Variants in LAMB3 observed in about 807,000 individuals in gnomAD.
The protein encoded by LAMB3 is laminin subunit beta 3.
Under a neutral mutation model 140.3 loss-of-function variants are expected in LAMB3, and 104 were observed. The observed-to-expected ratio is 0.74, with a 90% confidence interval of 0.63 to 0.87. LAMB3 has a LOEUF of 0.87. LAMB3 is among the 40% of genes least tolerant of loss of function. The pLI, the probability that LAMB3 is intolerant of heterozygous loss-of-function variation, is 0.00. For missense variants in LAMB3, 1,531 were observed against 1,575.2 expected, an observed-to-expected ratio of 0.97 and a Z score of 0.47; for synonymous variants, 592 against 602.9, an observed-to-expected ratio of 0.98 and a Z score of 0.26.
At chr1:209,621,451 G>A (rs1046032883) in intron 18 of LAMB3, among the ~76,000 whole-genome samples, 2 of 152,126 alleles carry the variant, frequency 1.3e-5, no homozygotes, top group East Asian at 3.8e-4. Context: ...CCTATCTGGG[G>A]CAAAAACACT....
At chr1:209,646,583 T>C (rs2102460555) in intron 3 of LAMB3, among the ~76,000 whole-genome samples, 1 of 152,278 alleles carries the variant, frequency 6.6e-6, no homozygotes, top group South Asian at 2.1e-4. Flanking sequence ...TTGGCACCGA[T>C]CACCTTGGGA....
Position 209,630,729 on chromosome 1 carries a change from C to T in LAMB3, c.829G>A (p.Asp277Asn), listed in dbSNP as rs369999185. Residue 277 changes from aspartate to asparagine, a missense_variant, in exon 9 of 23, where the codon GAT (aspartate) becomes AAT (asparagine). Physicochemically the swap from Asp to Asn is conservative, Grantham distance 23 (BLOSUM62 1). Transcript: ENST00000356082. ...GTGTTGTGCTGGCAGACACAGACAT[C>T]GTGGACCTGGGAGGGGGACCGTCAG... The part of the protein sequence containing the change: ...AGPSTAVQVH[D>N]VCVCQHNTAG... 34 of 1,613,738 alleles carry T rather than the reference C, an allele frequency of 2.1e-5. No individual in the cohort carries two copies. The highest frequency in any genetic ancestry group is 3.3e-5 in the South Asian group (3 of 91,046).
intron 12 of LAMB3, 53 bp downstream of exon 12, chr1:209,627,330 G>A (rs965248833): frequency 3.4e-6 from 5 of 1,455,764 alleles, no homozygotes; most frequent in Non-Finnish European, 4.8e-6. Flanking sequence ...AGAGGCTGGT[G>A]CTCAGGACCC....
At chr1:209,616,767 T>A in intron 21 of LAMB3, 143 bp from the exon 22 acceptor site, 1 of 793,288 alleles carries the variant, frequency 1.3e-6, no homozygotes, top group Non-Finnish European at 2.1e-6. Flanking sequence ...GTTTTGCCTA[T>A]TGAAACCCCT....
Position 209,623,809 on chromosome 1 carries a change from C to A in LAMB3, c.2137+31G>T, listed in dbSNP as rs1666311880. On this transcript the variant is annotated intron_variant, in intron 15 of 22. Transcript: ENST00000356082. The surrounding 1 kb of genome is among the most constrained non-coding windows in gnomAD (Gnocchi z 4.2). ...CATGCCCACCACGGCAGTGCCCATG[C>A]CCGGGGTTATCCGGGTGCCCCTCTC... The A allele has an allele frequency of 6.2e-7, 1 of 1,614,114 alleles. No individual in the cohort carries two copies. The highest frequency in any genetic ancestry group is 8.5e-7 in the Non-Finnish European group (1 of 1,180,004).
chr1:209,622,413 G>T (rs1397409634), intron 18 of LAMB3, 123 bp downstream of exon 18: 2 of 1,166,404 alleles, frequency 1.7e-6, no homozygotes, highest in Non-Finnish European at 2.5e-6. Context: ...CCAAGGAGAA[G>T]TGGAGGCCTG....
At chr1:209,645,612 A>G (rs2076510032) in intron 3 of LAMB3, among the ~76,000 whole-genome samples, 1 of 152,076 alleles carries the variant, frequency 6.6e-6, no homozygotes, top group Non-Finnish European at 1.5e-5. Flanking sequence ...GCTACTCAGG[A>G]AGCTGAGGCA....
chr1:209,616,601 C>A lies in LAMB3; in HGVS notation c.3252G>T (p.Lys1084Asn). ...AQEGFERIKQKYAELKDRLGQ... is the reference protein window; with the variant it reads ...AQEGFERIKQNYAELKDRLGQ... ...CCAACCGGTCCTTCAACTCAGCATACTTTTGTTTTATTCTCTCAAATCCCT... is the reference window on the plus strand; with the variant it reads ...CCAACCGGTCCTTCAACTCAGCATAATTTTGTTTTATTCTCTCAAATCCCT... Residue 1084 changes from lysine to asparagine, a missense_variant, in exon 22 of 23, where the codon AAG (lysine) becomes AAT (asparagine). Transcript: ENST00000356082. 6.2e-7 allele frequency: 1 copy of A among 1,614,176 alleles called. No individual in the cohort carries two copies. The highest frequency in any genetic ancestry group is 8.5e-7 in the Non-Finnish European group (1 of 1,180,020).
intron 18 of LAMB3, among the ~76,000 whole-genome samples, chr1:209,621,708 C>T (rs1428631149): frequency 1.3e-5 from 2 of 152,156 alleles, no homozygotes; most frequent in East Asian, 1.9e-4. Flanking sequence ...AGCAGCCTGC[C>T]CAATGTCACA....
chr1:209,634,369 G>C lies in LAMB3; in HGVS notation c.564+78C>G, dbSNP rs1003774373. On this transcript the variant is annotated intron_variant, in intron 6 of 22. Coordinates refer to ENST00000356082, the MANE Select transcript of LAMB3 (RefSeq NM_000228.3). ...CGAGGGTGTTTCCGTCCCTTCTCAG[G>C]AGTCCGTGTGGCTGTGTGAACAGTG... 6 of 1,444,816 alleles carry C rather than the reference G, an allele frequency of 4.2e-6. No homozygotes were observed. In the African/African-American group the frequency reaches 5.6e-5, roughly 13 times the overall value. The allele number at this position is 1,444,816 out of a possible 1,614,324, so 89.5% of individuals were successfully genotyped here.
At chr1:209,617,263 A>G (rs1025305899) in intron 21 of LAMB3, 147 bp downstream of exon 21, 8 of 883,348 alleles carry the variant, frequency 9.1e-6, no homozygotes, top group Non-Finnish European at 1.5e-5. Flanking sequence ...ATGCCTGGCC[A>G]GGTTTGGGTT....
chr1:209,622,833 A>G (rs760048951), intron 17 of LAMB3, 149 bp downstream of exon 17: 26 of 1,366,626 alleles, frequency 1.9e-5, no homozygotes, highest in Admixed American at 3.4e-5. Flanking sequence ...TAAAAGAGAA[A>G]AAAAACTATC....
chr1:209,627,463 G>T lies in LAMB3; in HGVS notation c.1405C>A (p.His469Asn). The T allele has an allele frequency of 6.2e-7, 1 of 1,614,026 alleles. No individual in the cohort carries two copies. Among genetic ancestry groups the T allele is most frequent in the Non-Finnish European group, 8.5e-7 (1 of 1,180,018 alleles). The change falls in exon 12 of 23, where the codon CAC becomes AAC. Residue 469 changes from histidine (H) to asparagine (N), a missense_variant. Transcript: ENST00000356082. ...CCCTGGCCACTGGCCAGCTTCCAGTGGTAGGGAGCACACTGGTCACATTTG... is the reference window on the plus strand; with the variant it reads ...CCCTGGCCACTGGCCAGCTTCCAGTTGTAGGGAGCACACTGGTCACATTTG... Reference protein sequence around the residue: ...GPKCDQCAPYHWKLASGQGCE... With the variant: ...GPKCDQCAPYNWKLASGQGCE...
At position 209,625,829 on chromosome 1, in the gene LAMB3, A is replaced by G. The variant is rs749625880; in HGVS notation, c.1795T>C (p.Phe599Leu). The G allele has an allele frequency of 6.2e-7, 1 of 1,614,092 alleles. No homozygotes were observed. Among genetic ancestry groups the G allele is most frequent in the East Asian group, 2.2e-5 (1 of 44,878 alleles). ...GCGGTGGCATTGCGGAGTCTACCAA[A>G]GCGCAGGGCCTGCTCCCGGAGGTCC... ...DADLREQALRFGRLRNATASL... is the reference protein window; with the variant it reads ...DADLREQALRLGRLRNATASL... Residue 599 changes from phenylalanine to leucine, a missense_variant, in exon 14 of 23, where the codon TTT becomes CTT. Physicochemically the swap from Phe to Leu is conservative, Grantham distance 22. Transcript: ENST00000356082.
chr1:209,647,829 C>A (rs555243103), intron 3 of LAMB3, among the ~76,000 whole-genome samples: 4 of 152,162 alleles, frequency 2.6e-5, no homozygotes, highest in African/African-American at 9.7e-5. Flanking sequence ...ACATGAGCCA[C>A]TTCATGGGTG....
chr1:209,615,546 A>C, intron 22 of LAMB3, 139 bp from the exon 23 acceptor site: 1 of 975,216 alleles, frequency 1.0e-6, no homozygotes, highest in Non-Finnish European at 1.4e-6. Flanking sequence ...CCTCTAAAGC[A>C]GTGGTGCCCC....
intron 3 of LAMB3, among the ~76,000 whole-genome samples, chr1:209,640,595 A>C (rs1571831704): frequency 6.6e-6 from 1 of 151,394 alleles, no homozygotes; most frequent in African/African-American, 2.4e-5. Context: ...CCATTGCCCC[A>C]CCTCCCACCA....
intron 10 of LAMB3, 79 bp from the exon 11 acceptor site, chr1:209,628,269 G>C (rs1240260905): frequency 6.0e-6 from 9 of 1,488,930 alleles, no homozygotes; most frequent in South Asian, 2.4e-5. Context: ...CAGGCTGCCT[G>C]GTTCAAATCC....
intron 1 of LAMB3, 56 bp from the exon 2 acceptor site, chr1:209,651,037 G>C: frequency 8.8e-6 from 10 of 1,141,860 alleles, no homozygotes; most frequent in Non-Finnish European, 1.2e-5. Context: ...GAGCACACTA[G>C]CCCTTTTTCT....
Sources: gnomAD v4.1 joint callset for allele counts (sites outside exome capture counted in the v4.1 genomes callset) on GRCh38, gnomAD v4.1.1 for gene constraint, Gnocchi (gnomAD v3.1) non-coding constraint, MANE v1.5 for transcripts, NCBI Gene and HGNC (gene_info 2026-07-23, HGNC 2026-07-21) for gene names.